ISOC1: variants seen among roughly 807,000 people sequenced by gnomAD.
The protein encoded by ISOC1 is isochorismatase domain-containing protein 1.
Under a neutral mutation model 30.0 loss-of-function variants are expected in ISOC1, and 33 were observed. The ratio of observed to expected loss-of-function variants is 1.10; its 90% CI spans 0.83 to 1.47. ISOC1 has a LOEUF of 1.47. Ranked by LOEUF, ISOC1 falls within the 40% of genes most tolerant of loss-of-function variation. The probability of loss-of-function intolerance (pLI) is 0.00; values close to 1 mark genes in which losing one functional copy is unlikely to be tolerated. For missense variants in ISOC1, 372 were observed against 388.0 expected (o/e 0.96, Z 0.35); for synonymous variants, 178 against 159.8 (o/e 1.11, Z -0.86).
chr5:129,098,397 A>T (rs1439457971), intron 1 of ISOC1, among the ~76,000 whole-genome samples: 3 of 152,184 alleles, frequency 2.0e-5, no homozygotes, highest in African/African-American at 7.2e-5. Context: ...AATGCTTGAG[A>T]TCTGATGAAT....
At position 129,113,295 on chromosome 5, in the gene ISOC1, C is replaced by CAGA. The variant is rs1753734853; in HGVS notation, c.*294_*295insAGA. On this transcript the variant is annotated 3_prime_UTR_variant, in exon 5 of 5. Transcript: ENST00000173527. ...TTTTGTCTCTACTGTGTACTCTGAT[C>CAGA]GTATCTTTCCAAAGTGCAGACTCTT... The CAGA allele has an allele frequency of 4.5e-6, 1 of 222,582 alleles. No homozygotes were observed. Among genetic ancestry groups the CAGA allele is most frequent in the Non-Finnish European group, 8.8e-6 (1 of 113,984 alleles). 13.8% of individuals were successfully genotyped at this position (222,582 alleles called of 1,614,324 possible).
chr5:129,105,439 A>C, intron 3 of ISOC1, 51 bp downstream of exon 3: 72 of 1,469,176 alleles, frequency 4.9e-5, no homozygotes, highest in Non-Finnish European at 6.6e-5. Context: ...TAGAAAACTC[A>C]ATATTTGTGG....
Position 129,095,027 on chromosome 5 carries a change from C to T in ISOC1, c.261C>T (p.Phe87=). 1 of 1,598,556 alleles carries T rather than the reference C, an allele frequency of 6.3e-7. No homozygotes were observed. The highest frequency in any genetic ancestry group is 8.5e-7 in the Non-Finnish European group (1 of 1,175,114). The change falls in exon 1 of 5, where the codon TTC becomes TTT. Residue 87 remains phenylalanine (F), a synonymous_variant. Transcript: ENST00000173527. ...AGTACGTGGACTTGCCCAAGGGCTT[C>T]GCGGTGAGCGAGCGCTGCAAGGTGC... ...WGQYVDLPKG[F]AVSERCKVRL...
At chr5:129,105,448 G>C in intron 3 of ISOC1, 60 bp downstream of exon 3, 1 of 1,423,464 alleles carries the variant, frequency 7.0e-7, no homozygotes, top group Non-Finnish European at 9.8e-7. Flanking sequence ...CAATATTTGT[G>C]GAATGTAATT....
intron 1 of ISOC1, among the ~76,000 whole-genome samples, chr5:129,099,981 C>T (rs969671080): frequency 6.6e-6 from 1 of 152,146 alleles, no homozygotes; most frequent in African/African-American, 2.4e-5. Flanking sequence ...GAGGCTTGTG[C>T]TATAAAGGGG....
At chr5:129,098,100 C>G (rs1329138302) in intron 1 of ISOC1, among the ~76,000 whole-genome samples, 1 of 152,148 alleles carries the variant, frequency 6.6e-6, no homozygotes. Flanking sequence ...AGAATGTATT[C>G]TTCATTTGCG....
intron 1 of ISOC1, among the ~76,000 whole-genome samples, chr5:129,095,327 C>T (rs1753482554): frequency 6.6e-6 from 1 of 152,242 alleles, no homozygotes; most frequent in African/African-American, 2.4e-5. Flanking sequence ...TTTCAGCGCC[C>T]GCGAACGCCC....
intron 1 of ISOC1, among the ~76,000 whole-genome samples, chr5:129,095,835 T>A (rs574092587): frequency 6.6e-6 from 1 of 152,352 alleles, no homozygotes; most frequent in African/African-American, 2.4e-5. Context: ...TAAGCTGTGC[T>A]CTCATGCTAG....
At chr5:129,096,886 A>G (rs996101665) in intron 1 of ISOC1, among the ~76,000 whole-genome samples, 4 of 152,114 alleles carry the variant, frequency 2.6e-5, no homozygotes, top group Admixed American at 6.5e-5. Flanking sequence ...CCAAGATAGG[A>G]TTTTTATATT....
At position 129,112,977 on chromosome 5, in the gene ISOC1, G is replaced by T. The variant is rs755047077; in HGVS notation, c.873G>T (p.Glu291Asp). 1.2e-6 allele frequency: 2 copies of T among 1,613,462 alleles called. No individual in the cohort carries two copies. The highest frequency in any genetic ancestry group is 2.2e-5 in the South Asian group (2 of 91,006). The change falls in exon 5 of 5, where the codon GAG becomes GAT. Residue 291 changes from glutamate (E) to aspartate (D), a missense_variant. Glu to Asp is a conservative substitution (Grantham distance 45). Coordinates refer to ENST00000173527, the MANE Select transcript of ISOC1 (RefSeq NM_016048.2). ...ATCTAATTAAGGCGAGTGCTCCAGA[G>T]TCGGGTCTGCTTTCCAAAGTATAGG... ...IQNLIKASAP[E>D]SGLLSKV
chr5:129,094,810 G>C lies in ISOC1; in HGVS notation c.44G>C (p.Gly15Ala). The C allele has an allele frequency of 6.5e-7, 1 of 1,536,012 alleles. No individual in the cohort carries two copies. The highest frequency in any genetic ancestry group is 8.7e-7 in the Non-Finnish European group (1 of 1,145,378). ...GCGGTCCTTGCGCTCCCCAACAGCG[G>C]CGCCGGGGGCGCGGGGGCGCCGTCG... ...EPAVLALPNSGAGGAGAPSGT... is the reference protein window; with the variant it reads ...EPAVLALPNSAAGGAGAPSGT... Residue 15 changes from glycine to alanine, a missense_variant, in exon 1 of 5, where the codon GGC becomes GCC. Transcript: ENST00000173527.
At chr5:129,100,090 A>G (rs1039933121) in intron 1 of ISOC1, among the ~76,000 whole-genome samples, 4 of 149,728 alleles carry the variant, frequency 2.7e-5, no homozygotes, top group African/African-American at 9.8e-5. Flanking sequence ...GGATTTCCTC[A>G]GAAACACTTG....
At chr5:129,097,604 C>T (rs191829566) in intron 1 of ISOC1, 1 of 152,356 alleles carries the variant, frequency 6.6e-6, no homozygotes, top group South Asian at 2.1e-4. Flanking sequence ...AATTCTTGTT[C>T]CTTACCTAAT....
At position 129,104,699 on chromosome 5, in the gene ISOC1, A is replaced by C. The variant is rs184797248; in HGVS notation, c.310-257A>C. On this transcript the variant is annotated intron_variant, in intron 1 of 4. Coordinates refer to ENST00000173527, the MANE Select transcript of ISOC1 (RefSeq NM_016048.2). ...GGCTAAAAAATGTTTTGTCATGTGA[A>C]TGTGTTAAAATGTGTTATATCATAT... Among the ~76,000 whole-genome samples, 16 of 152,144 alleles carry C rather than the reference A, an allele frequency of 1.1e-4. No individual in the cohort carries two copies. The East Asian group carries it at 3.1e-3, about 29-fold the overall frequency.
At chr5:129,112,675 T>C (rs983904727) in intron 4 of ISOC1, among the ~76,000 whole-genome samples, 180 bp from the exon 5 acceptor site, 1 of 152,142 alleles carries the variant, frequency 6.6e-6, no homozygotes, top group Admixed American at 6.6e-5. Flanking sequence ...AATAATCATA[T>C]TGACTTTGTG....
At position 129,105,139 on chromosome 5, in the gene ISOC1, A is replaced by G. The variant is rs1215806745; in HGVS notation, c.430-46A>G. The G allele has an allele frequency of 1.9e-6, 3 of 1,612,680 alleles. No homozygotes were observed. The highest frequency in any genetic ancestry group is 2.2e-5 in the East Asian group (1 of 44,856). On this transcript the variant is annotated intron_variant, in intron 2 of 4. Coordinates refer to ENST00000173527, the MANE Select transcript of ISOC1 (RefSeq NM_016048.2). Reference sequence around the variant, plus strand: ...ATCATATACACTCATATATACACATATATGTATATAGCTAATTGTTTTTGT... The same window carrying G: ...ATCATATACACTCATATATACACATGTATGTATATAGCTAATTGTTTTTGT...
rs991025766 is a variant in ISOC1 at position 129,113,634 on chromosome 5, C to T, written c.*633C>T. 4 of 152,138 alleles carry T rather than the reference C, an allele frequency of 2.6e-5. No individual in the cohort carries two copies. Among genetic ancestry groups the T allele is most frequent in the Admixed American group, 6.5e-5 (1 of 15,270 alleles). The allele number at this position is 152,138 out of a possible 1,614,324, so 9.4% of individuals were successfully genotyped here. ...CTATTACTAAATCTCTGTTAATATTCTCTCTTTTAACTGAAAAGGGATGGG... is the reference window on the plus strand; with the variant it reads ...CTATTACTAAATCTCTGTTAATATTTTCTCTTTTAACTGAAAAGGGATGGG... On this transcript the variant is annotated 3_prime_UTR_variant, in exon 5 of 5. Transcript: ENST00000173527.
chr5:129,105,713 TG>T (rs1016077167), intron 3 of ISOC1, among the ~76,000 whole-genome samples: 4 of 152,184 alleles, frequency 2.6e-5, no homozygotes, highest in African/African-American at 9.6e-5. Flanking sequence ...CTACTACTTT[TG>T]GAATACATTT....
chr5:129,109,105 A>G (rs1753672543), intron 4 of ISOC1, among the ~76,000 whole-genome samples: 2 of 152,172 alleles, frequency 1.3e-5, no homozygotes, highest in African/African-American at 4.8e-5. Context: ...TAATGACAAA[A>G]TTTTGATTGG....
Sources: allele counts gnomAD v4.1 joint callset (sites outside exome capture counted in the v4.1 genomes callset), GRCh38; gene constraint gnomAD v4.1.1; transcripts MANE v1.5; gene names NCBI Gene and HGNC (gene_info 2026-07-23, HGNC 2026-07-21).